ARHGAP6: variants seen among roughly 807,000 people sequenced by gnomAD.
ARHGAP6 encodes Rho GTPase activating protein 6.
In ARHGAP6, 16 loss-of-function variants were observed where a neutral mutation model predicts 55.7. That is an observed-to-expected ratio of 0.29 (90% CI 0.19 to 0.44). The LOEUF is 0.44. ARHGAP6 is among the 20% of genes least tolerant of loss of function. The probability of loss-of-function intolerance (pLI) is 1.00; values close to 1 mark genes in which losing one functional copy is unlikely to be tolerated. For synonymous variants in ARHGAP6, 382 were observed against 360.9 expected (o/e 1.06, Z -0.66); for missense variants, 698 against 808.9 (o/e 0.86, Z 1.66).
intron 1 of ARHGAP6, among the ~76,000 whole-genome samples, chrX:11,437,913 CACAG>C (rs754605617): frequency 3.8e-4 from 43 of 112,209 alleles, no homozygotes; most frequent in African/African-American, 1.0e-3. Context: ...CCGGGCAGAG[CACAG>C]ACAGAGTCCA....
chrX:11,300,486 A>C (rs2048157974), intron 1 of ARHGAP6: 6 of 559,214 alleles, frequency 1.1e-5, no homozygotes, highest in Admixed American at 3.0e-5. Flanking sequence ...GAAATTATAG[A>C]GTTCAACTTA....
chrX:11,281,556 G>T (rs1175915873), intron 1 of ARHGAP6, among the ~76,000 whole-genome samples: 11 of 111,163 alleles, frequency 9.9e-5, no homozygotes, highest in Non-Finnish European at 7.6e-5. Flanking sequence ...GTGGAATTCT[G>T]GGCAGTCATG....
At chrX:11,354,253 G>GCA (rs1482192850) in intron 1 of ARHGAP6, among the ~76,000 whole-genome samples, 2 of 90,634 alleles carry the variant, frequency 2.2e-5, no homozygotes, top group African/African-American at 8.5e-5. Flanking sequence ...GTAGTACCTG[G>GCA]CACATGGAAA....
intron 1 of ARHGAP6, chrX:11,351,714 A>G: frequency 2.9e-6 from 1 of 341,903 alleles, no homozygotes; most frequent in Non-Finnish European, 3.8e-6. Context: ...TACTAGGCTG[A>G]CTTCCCACTT....
At chrX:11,654,678 G>T (rs1023725099) in intron 1 of ARHGAP6, among the ~76,000 whole-genome samples, 1 of 111,319 alleles carries the variant, frequency 9.0e-6, no homozygotes, top group Non-Finnish European at 1.9e-5. Flanking sequence ...TCAGGACATC[G>T]AATTTCCACA....
intron 1 of ARHGAP6, among the ~76,000 whole-genome samples, chrX:11,339,975 C>G (rs2048683333): frequency 8.9e-6 from 1 of 112,039 alleles, no homozygotes; most frequent in Non-Finnish European, 1.9e-5. Context: ...ACACTTAGTC[C>G]TGTTGCTTAT....
intron 1 of ARHGAP6, 49 bp downstream of exon 1, chrX:11,664,192 C>A: frequency 8.9e-7 from 1 of 1,119,518 alleles, no homozygotes; most frequent in African/African-American, 1.8e-5. Context: ...CCTGAAACTG[C>A]CTGGGGGCCT....
chrX:11,474,735 G>T (rs751718584), intron 1 of ARHGAP6, among the ~76,000 whole-genome samples: 57 of 111,481 alleles, frequency 5.1e-4, no homozygotes, highest in African/African-American at 1.8e-3. Flanking sequence ...GGTGTTGGGA[G>T]GTGGGGCTTA....
intron 1 of ARHGAP6, among the ~76,000 whole-genome samples, chrX:11,518,274 G>A (rs1603239497): frequency 9.1e-6 from 1 of 109,829 alleles, no homozygotes; most frequent in South Asian, 4.0e-4. Context: ...TCGAGTAGCT[G>A]TGACTACAGA....
chrX:11,518,225 TG>T (rs974291311), intron 1 of ARHGAP6, among the ~76,000 whole-genome samples: 3 of 110,236 alleles, frequency 2.7e-5, no homozygotes. Flanking sequence ...ACTGCAGCCT[TG>T]AACTCCTGGG....
chrX:11,354,292 TCTTTCTCTCTC>T (rs2048900111), intron 1 of ARHGAP6, among the ~76,000 whole-genome samples: 1 of 69,493 alleles, frequency 1.4e-5, no homozygotes, highest in East Asian at 5.7e-4. Context: ...TCTCTCTCTC[TCTTTCTCTCTC>T]TCTCTCTCTC....
chrX:11,354,309 CTCTCTCTCTCTCTCTCTCTATA>C (rs2048902763), intron 1 of ARHGAP6, among the ~76,000 whole-genome samples: 1 of 63,883 alleles, frequency 1.6e-5, no homozygotes, highest in Non-Finnish European at 2.9e-5. Flanking sequence ...CTCTCTCTCT[CTCTCTCTCTCTCTCTCTCTATA>C]TATATATATA....
chrX:11,143,934 A>T, intron 11 of ARHGAP6, 46 bp downstream of exon 11: 1 of 1,211,901 alleles, frequency 8.3e-7, no homozygotes, highest in Non-Finnish European at 1.1e-6. Context: ...CAACAAGAGG[A>T]GGGTCGCTTG....
intron 1 of ARHGAP6, chrX:11,298,241 T>G: frequency 8.3e-7 from 1 of 1,211,557 alleles, no homozygotes; most frequent in Non-Finnish European, 1.1e-6. Context: ...TTAAGGTGCT[T>G]ACCCCTTTGA....
intron 3 of ARHGAP6, among the ~76,000 whole-genome samples, chrX:11,196,253 A>G (rs188424032): frequency 8.9e-6 from 1 of 111,755 alleles, no homozygotes; most frequent in East Asian, 2.8e-4. Context: ...ACTCAAGTGA[A>G]TATCTAATCT....
At chrX:11,322,220 C>T (rs946455906) in intron 1 of ARHGAP6, among the ~76,000 whole-genome samples, 9 of 111,757 alleles carry the variant, frequency 8.1e-5, no homozygotes, top group African/African-American at 2.9e-4. Context: ...TGTTGCTGTC[C>T]TCTAAACTGT....
rs753793394 is a variant in ARHGAP6 at position 11,182,577 on chromosome X, C to T, written c.1274-459G>A. On this transcript the variant is annotated intron_variant, in intron 5 of 12. Transcript: ENST00000337414. ...AATATACTTTTAGAAATACCTGATG[C>T]AGAAATAATCACTCTTCATTTTCTT... Among the ~76,000 whole-genome samples the T allele has an allele frequency of 6.4e-5, 7 of 109,417 alleles. No homozygotes were observed. The South Asian group carries it at 2.8e-3, about 43-fold the overall frequency.
intron 1 of ARHGAP6, among the ~76,000 whole-genome samples, chrX:11,501,326 G>A (rs766616519): frequency 9.0e-6 from 1 of 111,238 alleles, no homozygotes; most frequent in Non-Finnish European, 1.9e-5. Context: ...GGTGCACACC[G>A]GTAGTCCTAG....
chrX:11,514,761 A>G (rs1239600122), intron 1 of ARHGAP6, among the ~76,000 whole-genome samples: 2 of 110,399 alleles, frequency 1.8e-5, no homozygotes, highest in Non-Finnish European at 3.8e-5. Flanking sequence ...TTTACTTTCC[A>G]AAGTTCTTGA....
Sources: gnomAD v4.1 joint callset for allele counts (sites outside exome capture counted in the v4.1 genomes callset) on GRCh38, gnomAD v4.1.1 for gene constraint, MANE v1.5 for transcripts, NCBI Gene and HGNC (gene_info 2026-07-23, HGNC 2026-07-21) for gene names.